Variants in ZNF385D observed in about 807,000 individuals in gnomAD.
ZNF385D encodes the protein zinc finger protein 385D, also known as zinc finger protein 659.
ZNF385D carries 15 observed loss-of-function variants against 35.8 expected under a neutral mutation model. The observed-to-expected ratio is 0.42, with a 90% CI of 0.28 to 0.64. The LOEUF is 0.64. Ranked by LOEUF, ZNF385D falls within the 30% of genes least tolerant of loss-of-function variation. ZNF385D has a pLI of 0.23. For synonymous variants in ZNF385D, 212 were observed against 186.8 expected, an observed-to-expected ratio of 1.13 and a Z score of -1.10; for missense variants, 474 against 494.6, an observed-to-expected ratio of 0.96 and a Z score of 0.39.
intron 3 of ZNF385D, among the ~76,000 whole-genome samples, chr3:21,885,115 G>GA (rs1201524446): frequency 3.3e-5 from 5 of 151,812 alleles, no homozygotes; most frequent in Admixed American, 2.6e-4. Flanking sequence ...GAAAGTGGTG[G>GA]AAAAAATGTT....
chr3:21,725,968 G>A (rs186717973), intron 1 of ZNF385D, among the ~76,000 whole-genome samples: 2,928 of 152,226 alleles, frequency 0.019, 86 homozygotes, highest in African/African-American at 0.066. Flanking sequence ...ACATCAAAAA[G>A]TTTATCCACT....
chr3:22,313,346 A>C (rs2125432167), intron 2 of ZNF385D, among the ~76,000 whole-genome samples: 1 of 152,130 alleles, frequency 6.6e-6, no homozygotes, highest in East Asian at 1.9e-4. Flanking sequence ...ACATGTATAC[A>C]TATGTAACAA....
intron 1 of ZNF385D, among the ~76,000 whole-genome samples, chr3:21,682,540 G>T (rs1559514804): frequency 6.7e-6 from 1 of 150,092 alleles, no homozygotes; most frequent in Non-Finnish European, 1.5e-5. Context: ...CTGGAAGAAA[G>T]GACACATTTT....
intron 3 of ZNF385D, among the ~76,000 whole-genome samples, chr3:21,853,110 A>T (rs1407032328): frequency 6.6e-6 from 1 of 151,762 alleles, no homozygotes; most frequent in African/African-American, 2.4e-5. Flanking sequence ...GTGTGATCAA[A>T]CTAAACATAT....
At chr3:22,113,370 T>G (rs758465615) in intron 3 of ZNF385D, among the ~76,000 whole-genome samples, 1 of 152,124 alleles carries the variant, frequency 6.6e-6, no homozygotes, top group Non-Finnish European at 1.5e-5. Context: ...TCAACTATAC[T>G]ACCTTATATA....
chr3:22,290,535 T>C (rs1702247783), intron 2 of ZNF385D, among the ~76,000 whole-genome samples: 1 of 152,180 alleles, frequency 6.6e-6, no homozygotes, highest in African/African-American at 2.4e-5. Context: ...TGTTTGGCAC[T>C]CATTCCCGGA....
intron 2 of ZNF385D, among the ~76,000 whole-genome samples, chr3:21,614,185 G>A (rs377263974): frequency 3.3e-5 from 5 of 152,100 alleles, no homozygotes; most frequent in African/African-American, 1.2e-4. Context: ...AAAGATCAAG[G>A]TATAAGCAGG....
chr3:21,697,504 T>C (rs2067513493), intron 1 of ZNF385D, among the ~76,000 whole-genome samples: 1 of 152,142 alleles, frequency 6.6e-6, no homozygotes, highest in Non-Finnish European at 1.5e-5. Flanking sequence ...TCTAATATGA[T>C]AGCCACTAGT....
At chr3:21,799,176 A>T (rs1175430651) in intron 3 of ZNF385D, among the ~76,000 whole-genome samples, 1 of 152,198 alleles carries the variant, frequency 6.6e-6, no homozygotes, top group Non-Finnish European at 1.5e-5. Context: ...GCATGGATGC[A>T]CCACCATTTA....
intron 2 of ZNF385D, among the ~76,000 whole-genome samples, chr3:21,621,444 T>A (rs555179218): frequency 2.0e-4 from 30 of 152,048 alleles, no homozygotes; most frequent in African/African-American, 6.5e-4. Context: ...AGCGGAGTCA[T>A]TAAAGGCAGG....
At chr3:21,547,778 G>A (rs1258775003) in intron 3 of ZNF385D, among the ~76,000 whole-genome samples, 2 of 151,796 alleles carry the variant, frequency 1.3e-5, no homozygotes, top group South Asian at 2.1e-4. Context: ...CACCATGCCC[G>A]GCTAATTTTT....
chr3:21,753,746 T>C (rs1354414196), upstream of ZNF385D, among the ~76,000 whole-genome samples: 3 of 138,512 alleles, frequency 2.2e-5, no homozygotes, highest in Non-Finnish European at 4.6e-5. Context: ...TATACATTTA[T>C]TAAAAAATGC....
At chr3:22,293,130 T>C (rs1051962717) in intron 2 of ZNF385D, among the ~76,000 whole-genome samples, 5 of 152,056 alleles carry the variant, frequency 3.3e-5, no homozygotes, top group African/African-American at 9.7e-5. Context: ...TTATACATCA[T>C]AAATCCCTCA....
intron 3 of ZNF385D, among the ~76,000 whole-genome samples, chr3:22,050,006 T>G (rs560328046): frequency 1.4e-4 from 21 of 152,312 alleles, no homozygotes; most frequent in African/African-American, 4.8e-4. Context: ...ATAATGCTAG[T>G]ATCATCGTAA....
chr3:22,045,684 G>A lies in ZNF385D; in HGVS notation c.325+123133C>T, dbSNP rs932639889. Among the ~76,000 whole-genome samples, 5 of 152,046 alleles carry A rather than the reference G, an allele frequency of 3.3e-5. No individual in the cohort carries two copies. The South Asian group carries it at 8.3e-4, about 25-fold the overall frequency. On this transcript the variant is annotated intron_variant, in intron 3 of 5. Transcript: ENST00000494108. ...TTAAAAATAATTTTATGTCTAATAT[G>A]CTGTAATCACTTTCGAGTATTATTC...
At chr3:21,561,759 C>T (rs13072036) in intron 3 of ZNF385D, among the ~76,000 whole-genome samples, 103,345 of 152,040 alleles carry the variant, frequency 0.68, 35,917 homozygotes, top group African/African-American at 0.84. Context: ...TACCATCTTA[C>T]ATGGGTGGAA....
chr3:21,735,057 A>G (rs1459882606), intron 1 of ZNF385D, among the ~76,000 whole-genome samples: 3 of 152,046 alleles, frequency 2.0e-5, no homozygotes, highest in African/African-American at 7.2e-5. Context: ...GCCGGGAGGG[A>G]TCTTTGAATT....
intron 2 of ZNF385D, among the ~76,000 whole-genome samples, chr3:22,205,565 GATATAA>G (rs1444499016): frequency 1.3e-5 from 2 of 151,796 alleles, no homozygotes; most frequent in African/African-American, 4.8e-5. Context: ...AGTACAATAA[GATATAA>G]ATAGAAATAA....
At chr3:21,839,004 G>A (rs543215413) in intron 3 of ZNF385D, among the ~76,000 whole-genome samples, 2 of 151,948 alleles carry the variant, frequency 1.3e-5, no homozygotes, top group Non-Finnish European at 2.9e-5. Flanking sequence ...ATTCACATTG[G>A]ATGAATGAGG....
Sources: allele counts gnomAD v4.1 joint callset (sites outside exome capture counted in the v4.1 genomes callset), GRCh38; gene constraint gnomAD v4.1.1; transcripts MANE v1.5; gene names NCBI Gene and HGNC (gene_info 2026-07-23, HGNC 2026-07-21).